CPN1: variants seen among roughly 807,000 people sequenced by gnomAD.
CPN1 encodes carboxypeptidase N subunit 1, also known as carboxypeptidase N catalytic chain.
CPN1 carries 37 observed loss-of-function variants against 46.4 expected under a neutral mutation model. The observed-to-expected ratio is 0.80, with a 90% CI of 0.61 to 1.05. The LOEUF is 1.05. Ranked by LOEUF, CPN1 falls within the 50% of genes least tolerant of loss-of-function variation. The probability of loss-of-function intolerance (pLI) is 0.00; values close to 1 mark genes in which losing one functional copy is unlikely to be tolerated. For missense variants in CPN1, 563 were observed against 602.6 expected (o/e 0.93, Z 0.69); for synonymous variants, 224 against 235.4 (o/e 0.95, Z 0.44).
chr10:100,055,356 C>CCG (rs2041379652), intron 6 of CPN1, among the ~76,000 whole-genome samples: 1 of 151,708 alleles, frequency 6.6e-6, no homozygotes, highest in African/African-American at 2.4e-5. Context: ...TTATCCCCCC[C>CCG]CCCAGCCCCT....
intron 8 of CPN1, among the ~76,000 whole-genome samples, chr10:100,047,636 C>T (rs1295920833): frequency 6.6e-6 from 1 of 152,188 alleles, no homozygotes; most frequent in African/African-American, 2.4e-5. Flanking sequence ...GGCCTTCATT[C>T]TGAAGGCTCC....
chr10:100,048,823 C>T lies in CPN1; in HGVS notation c.1165G>A (p.Ala389Thr). 6.2e-7 allele frequency: 1 copy of T among 1,613,952 alleles called. No homozygotes were observed. The highest frequency in any genetic ancestry group is 1.1e-5 in the South Asian group (1 of 91,076). Residue 389 changes from alanine to threonine, a missense_variant, in exon 8 of 9, where the codon GCC (alanine) becomes ACC (threonine). Physicochemically the swap from Ala to Thr is moderately conservative, Grantham distance 58. Transcript: ENST00000370418. ...TCTGGGTCATACCCAGGTGCTGTGGCACTAACAGTGTAGATACCTGGAAGC... is the reference window on the plus strand; with the variant it reads ...TCTGGGTCATACCCAGGTGCTGTGGTACTAACAGTGTAGATACCTGGAAGC... ...LLLPGIYTVS[A>T]TAPGYDPETV... is the part of the protein sequence containing the mutation.
rs759152678 is a variant in CPN1, at chr10:100,048,753, C to A, written c.1230+5G>T. On this transcript the variant is annotated splice_donor_5th_base_variant and intron_variant, in intron 8 of 8. Coordinates refer to ENST00000370418, the MANE Select transcript of CPN1 (RefSeq NM_001308.3). ...CAGTGCACCGTCAAGCTCAGCCTAA[C>A]TCACCAACGTTGGTTCCGCAGGACC... is the stretch of plus-strand genomic sequence containing the variant. The A allele has an allele frequency of 6.2e-7, 1 of 1,601,398 alleles. No individual in the cohort carries two copies. The highest frequency in any genetic ancestry group is 8.6e-7 in the Non-Finnish European group (1 of 1,168,888).
chr10:100,042,756 G>C (rs2041283959), intron 8 of CPN1, among the ~76,000 whole-genome samples, 183 bp from the exon 9 acceptor site: 1 of 152,060 alleles, frequency 6.6e-6, no homozygotes, highest in South Asian at 2.1e-4. Flanking sequence ...GTGATAGATA[G>C]AGTGTGACTG....
intron 2 of CPN1, among the ~76,000 whole-genome samples, chr10:100,072,242 C>T (rs539851586): frequency 5.7e-4 from 87 of 152,280 alleles, no homozygotes; most frequent in Middle Eastern, 3.4e-3. Flanking sequence ...ACAGCATGAT[C>T]ATGGCTCACT....
chr10:100,042,507 G>T lies in CPN1; in HGVS notation c.1297C>A (p.His433Asn). Residue 433 changes from histidine to asparagine, a missense_variant, in exon 9 of 9, where the codon CAC becomes AAC. Physicochemically the swap from His to Asn is moderately conservative, Grantham distance 68. Coordinates refer to ENST00000370418, the MANE Select transcript of CPN1 (RefSeq NM_001308.3). ...SPVRRAPSRR[H>N]GVRAKVQPQA... ...GGCTGCACTTTGGCTCTGACTCCGT[G>T]CCTTCTGCTGGGAGCTCTCCTCACA... 1 of 1,613,912 alleles carries T rather than the reference G, an allele frequency of 6.2e-7. No individual in the cohort carries two copies. Among genetic ancestry groups the T allele is most frequent in the Non-Finnish European group, 8.5e-7 (1 of 1,180,018 alleles).
At chr10:100,044,713 CTT>C (rs1326776621) in intron 8 of CPN1, among the ~76,000 whole-genome samples, 11 of 136,348 alleles carry the variant, frequency 8.1e-5, no homozygotes, top group Middle Eastern at 4.0e-3. Flanking sequence ...AGTAAACAAT[CTT>C]TTTTTTTTTT....
chr10:100,074,636 C>T (rs928510316), intron 2 of CPN1, among the ~76,000 whole-genome samples: 2 of 151,876 alleles, frequency 1.3e-5, no homozygotes, highest in East Asian at 1.9e-4. Flanking sequence ...AGGCTGATCT[C>T]GAACTCCCGA....
chr10:100,056,882 T>C (rs2041387015), intron 6 of CPN1, 131 bp downstream of exon 6: 3 of 1,116,120 alleles, frequency 2.7e-6, no homozygotes, highest in Non-Finnish European at 4.0e-6. Flanking sequence ...TAAATCTCAA[T>C]GGAAGAAGAC....
intron 1 of CPN1, among the ~76,000 whole-genome samples, chr10:100,078,475 C>T (rs1157515015): frequency 6.6e-6 from 1 of 152,210 alleles, no homozygotes; most frequent in Non-Finnish European, 1.5e-5. Context: ...CCCACTTGGT[C>T]TCCCTGCAGC....
chr10:100,050,432 T>G (rs899301155), intron 7 of CPN1, among the ~76,000 whole-genome samples: 1 of 152,164 alleles, frequency 6.6e-6, no homozygotes, highest in Non-Finnish European at 1.5e-5. Flanking sequence ...GACTGCTTTA[T>G]GCAATTGTGA....
rs1413479147 is a variant in CPN1, at chr10:100,057,103, C to G, written c.921G>C (p.Leu307=). 7 of 1,614,182 alleles carry G rather than the reference C, an allele frequency of 4.3e-6. No individual in the cohort carries two copies. Among genetic ancestry groups the G allele is most frequent in the Non-Finnish European group, 5.1e-6 (6 of 1,180,030 alleles). The change falls in exon 6 of 9, where the codon CTG becomes CTC. Residue 307 remains leucine (L), a synonymous_variant. Transcript: ENST00000370418. The stretch of plus-strand genomic sequence containing the variant: ...GGGGAAACTTGTCGCAACTCAGTTC[C>G]AGCGTGATCTCAAAGCAGTTGGTAT... ...YLHTNCFEIT[L]ELSCDKFPPE...
chr10:100,074,561 A>G (rs191518612), intron 2 of CPN1, among the ~76,000 whole-genome samples: 1 of 152,268 alleles, frequency 6.6e-6, no homozygotes, highest in East Asian at 1.9e-4. Context: ...AATTACAGGC[A>G]TATGCCACCA....
intron 8 of CPN1, among the ~76,000 whole-genome samples, chr10:100,043,352 G>A (rs546181370): frequency 2.6e-5 from 4 of 151,606 alleles, no homozygotes; most frequent in African/African-American, 7.3e-5. Context: ...CCAAGATCAC[G>A]CCACTGCACT....
At chr10:100,069,411 G>A (rs1342474279) in intron 3 of CPN1, among the ~76,000 whole-genome samples, 1 of 152,072 alleles carries the variant, frequency 6.6e-6, no homozygotes, top group Non-Finnish European at 1.5e-5. Context: ...GACCTGGGAG[G>A]CGAAGGCTGC....
chr10:100,063,625 G>T lies in CPN1; in HGVS notation c.860C>A (p.Ser287Tyr). 1 of 1,612,712 alleles carries T rather than the reference G, an allele frequency of 6.2e-7. No homozygotes were observed. The highest frequency in any genetic ancestry group is 1.7e-5 in the Admixed American group (1 of 60,004). Residue 287 changes from serine (S) to tyrosine (Y), a missense_variant, in exon 5 of 9, where the codon TCT becomes TAT. Coordinates refer to ENST00000370418, the MANE Select transcript of CPN1 (RefSeq NM_001308.3). ...DGITNGASWY[S>Y]LSKGMQDFNY... ...AGGACTCCCCTTACCCTTGCTGAGAGAATACCAGGAAGCCCCATTGGTGAT... is the reference window on the plus strand; with the variant it reads ...AGGACTCCCCTTACCCTTGCTGAGATAATACCAGGAAGCCCCATTGGTGAT...
chr10:100,080,251 T>C (rs2041537345), intron 1 of CPN1, among the ~76,000 whole-genome samples: 1 of 152,022 alleles, frequency 6.6e-6, no homozygotes, highest in Non-Finnish European at 1.5e-5. Context: ...AAGTGAGAAA[T>C]TAGAAACAAC....
chr10:100,055,470 A>C (rs1372971218), intron 6 of CPN1, among the ~76,000 whole-genome samples: 2 of 151,642 alleles, frequency 1.3e-5, no homozygotes, highest in East Asian at 1.9e-4. Flanking sequence ...GTGGATGGCT[A>C]ATTTCACTTG....
chr10:100,054,810 C>T (rs1201615513), intron 6 of CPN1, among the ~76,000 whole-genome samples: 6 of 151,326 alleles, frequency 4.0e-5, no homozygotes, highest in Non-Finnish European at 5.9e-5. Flanking sequence ...AGTCCAGCCA[C>T]ACTGGTGTCC....
Sources: gnomAD v4.1 joint callset for allele counts (sites outside exome capture counted in the v4.1 genomes callset) on GRCh38, gnomAD v4.1.1 for gene constraint, MANE v1.5 for transcripts, NCBI Gene and HGNC (gene_info 2026-07-23, HGNC 2026-07-21) for gene names.